ARID1B: variants seen among roughly 807,000 people sequenced by gnomAD.
The protein encoded by ARID1B is AT-rich interactive domain-containing protein 1B.
ARID1B carries 30 observed loss-of-function variants against 212.3 expected under a neutral mutation model. The observed-to-expected ratio is 0.14, with a 90% confidence interval of 0.11 to 0.19. The LOEUF (loss-of-function observed/expected upper bound fraction) is 0.19. Ranked by LOEUF, ARID1B falls within the 10% of genes least tolerant of loss-of-function variation. The pLI is 1.00. For missense variants in ARID1B, 2,891 were observed against 3,204.0 expected, an observed-to-expected ratio of 0.90 and a Z score of 2.36; for synonymous variants, 1,402 against 1,301.7, an observed-to-expected ratio of 1.08 and a Z score of -1.66.
At chr6:157,057,739 A>G (rs1783059999) in intron 4 of ARID1B, among the ~76,000 whole-genome samples, 1 of 152,196 alleles carries the variant, frequency 6.6e-6, no homozygotes. Context: ...AACGTATATA[A>G]AGCAAGTCTC....
chr6:156,987,065 C>T (rs1307736105), intron 4 of ARID1B, among the ~76,000 whole-genome samples: 1 of 151,628 alleles, frequency 6.6e-6, no homozygotes, highest in Non-Finnish European at 1.5e-5. Context: ...GTCGTCGCAG[C>T]TGCTCAGGAG....
chr6:156,811,309 CAAGAG>C (rs764607016), intron 1 of ARID1B, among the ~76,000 whole-genome samples: 10 of 152,132 alleles, frequency 6.6e-5, no homozygotes, highest in Non-Finnish European at 1.3e-4. Context: ...TACCCGTACT[CAAGAG>C]GAGAGGATTA....
chr6:157,129,875 A>G (rs1788417040), intron 6 of ARID1B, among the ~76,000 whole-genome samples: 1 of 152,196 alleles, frequency 6.6e-6, no homozygotes, highest in Non-Finnish European at 1.5e-5. Context: ...AAAACTTAAG[A>G]GTATCGTATA....
chr6:156,898,117 G>A (rs745704166), intron 2 of ARID1B, among the ~76,000 whole-genome samples: 2 of 152,130 alleles, frequency 1.3e-5, no homozygotes, highest in Non-Finnish European at 2.9e-5. Context: ...AGGGAGGGCC[G>A]CCCGAGCTAC....
At chr6:157,105,509 T>G (rs1322048188) in intron 5 of ARID1B, among the ~76,000 whole-genome samples, 1 of 152,152 alleles carries the variant, frequency 6.6e-6, no homozygotes, top group East Asian at 1.9e-4. Flanking sequence ...GAGAAAGACT[T>G]GAACAAACAA....
At chr6:157,127,186 C>G (rs1788188704) in intron 6 of ARID1B, among the ~76,000 whole-genome samples, 1 of 152,142 alleles carries the variant, frequency 6.6e-6, no homozygotes, top group Non-Finnish European at 1.5e-5. Flanking sequence ...ATCATAGACA[C>G]CTATAGCTGG....
intron 4 of ARID1B, among the ~76,000 whole-genome samples, chr6:157,017,937 C>G (rs1435708728): frequency 7.3e-6 from 1 of 136,588 alleles, no homozygotes; most frequent in Non-Finnish European, 1.5e-5. Context: ...GGAGACCAGC[C>G]TGGGCAACAT....
intron 4 of ARID1B, among the ~76,000 whole-genome samples, chr6:156,956,001 G>C (rs1338571394): frequency 3.3e-5 from 5 of 152,094 alleles, no homozygotes; most frequent in Non-Finnish European, 7.4e-5. Context: ...CCAACTGCTT[G>C]ACAGCCGTCC....
At chr6:156,962,650 T>A (rs764462006) in intron 4 of ARID1B, among the ~76,000 whole-genome samples, 25 of 151,982 alleles carry the variant, frequency 1.6e-4, no homozygotes, top group Non-Finnish European at 3.4e-4. Context: ...CCCCGGCTAA[T>A]TTTTTTGTAT....
At chr6:157,196,468 A>G (rs1793736068) in intron 16 of ARID1B, among the ~76,000 whole-genome samples, 153 bp downstream of exon 16, 1 of 152,224 alleles carries the variant, frequency 6.6e-6, no homozygotes, top group Non-Finnish European at 1.5e-5. Flanking sequence ...GCTGGTCACC[A>G]GGTGAGTGTC....
At chr6:157,037,290 A>G (rs1781394418) in intron 4 of ARID1B, among the ~76,000 whole-genome samples, 1 of 152,218 alleles carries the variant, frequency 6.6e-6, no homozygotes, top group African/African-American at 2.4e-5. Context: ...CCTACCGTCC[A>G]GTTACAACCG....
At chr6:157,000,279 A>G (rs1482356914) in intron 4 of ARID1B, among the ~76,000 whole-genome samples, 1 of 152,170 alleles carries the variant, frequency 6.6e-6, no homozygotes, top group Non-Finnish European at 1.5e-5. Context: ...CTTCTTTGCC[A>G]TGTTTCTGAA....
At chr6:157,065,408 A>G (rs954333699) in intron 4 of ARID1B, among the ~76,000 whole-genome samples, 6 of 152,184 alleles carry the variant, frequency 3.9e-5, no homozygotes, top group African/African-American at 1.4e-4. Flanking sequence ...TGATGATGAT[A>G]TTGTGGTTTA....
chr6:156,809,025 AATTTG>A (rs1325330173), intron 1 of ARID1B, among the ~76,000 whole-genome samples: 6 of 152,224 alleles, frequency 3.9e-5, no homozygotes, highest in African/African-American at 1.4e-4. Context: ...TCATTTTAGT[AATTTG>A]ATTTGTTGAT....
chr6:156,834,819 A>G (rs76704081), intron 2 of ARID1B, among the ~76,000 whole-genome samples: 1 of 152,232 alleles, frequency 6.6e-6, no homozygotes, highest in Non-Finnish European at 1.5e-5. Context: ...AGCAGTGAAC[A>G]TGAAGGTATT....
intron 4 of ARID1B, among the ~76,000 whole-genome samples, chr6:157,029,384 G>A (rs889038885): frequency 2.6e-5 from 4 of 152,208 alleles, no homozygotes; most frequent in African/African-American, 9.6e-5. Context: ...TTATTGTTTT[G>A]TTATAGTCTT....
At chr6:156,842,260 C>T (rs564134484) in intron 2 of ARID1B, among the ~76,000 whole-genome samples, 5 of 152,190 alleles carry the variant, frequency 3.3e-5, no homozygotes, top group Admixed American at 6.5e-5. Flanking sequence ...GGATTCATTA[C>T]GTAGTTACTC....
intron 3 of ARID1B, among the ~76,000 whole-genome samples, chr6:156,920,224 C>G (rs1423781537): frequency 6.6e-6 from 1 of 152,262 alleles, no homozygotes; most frequent in Admixed American, 6.5e-5. Context: ...CTGTCTTCCT[C>G]TCTGATACCC....
In ARID1B at chr6:157,207,353, G is replaced by A. The variant is rs1219011601; in HGVS notation, c.6581G>A (p.Gly2194Glu). 1.2e-6 allele frequency: 2 copies of A among 1,614,150 alleles called. No homozygotes were observed. The highest frequency in any genetic ancestry group is 1.7e-6 in the Non-Finnish European group (2 of 1,180,024). ...AEAQDPFPTV[G>E]PNSVLSPQRL... ...GCACAAGATCCCTTTCCAACTGTGG[G>A]ACCCAACTCGGTCCTGTCGCCTCAG... is the stretch of plus-strand genomic sequence containing the variant. The change falls in exon 20 of 20, where the codon GGA becomes GAA. Residue 2194 changes from glycine to glutamate, a missense_variant. Physicochemically the swap from Gly to Glu is moderately conservative, Grantham distance 98. This residue lies in a region of ARID1B where 187 missense variants were observed against 306.5 expected (regional missense o/e 0.61). Transcript: ENST00000636930. This position sits in a 1 kb window ranked among gnomAD's most constrained non-coding sequence, Gnocchi z 8.5.
Sources: allele counts gnomAD v4.1 joint callset (sites outside exome capture counted in the v4.1 genomes callset), GRCh38; gene constraint gnomAD v4.1.1; regional missense constraint gnomAD v4.1.1; non-coding constraint Gnocchi (gnomAD v3.1); transcripts MANE v1.5; gene names NCBI Gene and HGNC (gene_info 2026-07-23, HGNC 2026-07-21).